The following XKR4 variants were observed in gnomAD, a reference collection of about 807,000 sequenced individuals.
XKR4 encodes XK related 4, also known as XK-related protein 4.
A neutral mutation model predicts 53.9 loss-of-function variants in XKR4; 12 were observed. That is an observed-to-expected ratio of 0.22 (90% CI 0.14 to 0.36). The LOEUF (loss-of-function observed/expected upper bound fraction) is 0.36, where lower values mean the gene tolerates loss of function less well. Among genes scored for constraint, XKR4 ranks in the 10% least tolerant of loss-of-function variants. The pLI is 1.00. For missense variants in XKR4, 799 were observed against 859.5 expected (o/e 0.93, Z 0.88); for synonymous variants, 354 against 362.4 (o/e 0.98, Z 0.26).
At chr8:55,212,770 A>G (rs4562294) in intron 1 of XKR4, among the ~76,000 whole-genome samples, 147,472 of 152,330 alleles carry the variant, frequency 0.97, 71,399 homozygotes, top group East Asian at 1. Flanking sequence ...AACTCTGCAA[A>G]GGATGATGCA....
At chr8:55,297,241 A>G (rs1316225932) in intron 1 of XKR4, among the ~76,000 whole-genome samples, 1 of 152,174 alleles carries the variant, frequency 6.6e-6, no homozygotes, top group Non-Finnish European at 1.5e-5. Context: ...GAGGCTTCAG[A>G]CTAGAAACGT....
At chr8:55,236,374 G>A (rs1185423782) in intron 1 of XKR4, among the ~76,000 whole-genome samples, 1 of 152,102 alleles carries the variant, frequency 6.6e-6, no homozygotes, top group Non-Finnish European at 1.5e-5. Flanking sequence ...CTGCATGAAG[G>A]AGCATTTCAT....
intron 2 of XKR4, among the ~76,000 whole-genome samples, chr8:55,434,389 T>C (rs1159342402): frequency 4.0e-5 from 6 of 150,244 alleles, no homozygotes; most frequent in African/African-American, 1.5e-4. Flanking sequence ...TTCATCTTGA[T>C]TGTTCTTACT....
intron 2 of XKR4, among the ~76,000 whole-genome samples, chr8:55,409,045 G>A (rs1443403188): frequency 6.6e-6 from 1 of 152,004 alleles, no homozygotes; most frequent in Non-Finnish European, 1.5e-5. Flanking sequence ...GCACCAGGAG[G>A]GGAGTGGACA....
At chr8:55,461,532 G>A (rs1347736144) in intron 2 of XKR4, among the ~76,000 whole-genome samples, 1 of 152,140 alleles carries the variant, frequency 6.6e-6, no homozygotes, top group Non-Finnish European at 1.5e-5. Flanking sequence ...GGAAAAAACA[G>A]AGCAGAAAAA....
chr8:55,267,671 CT>C (rs10697732), intron 1 of XKR4, among the ~76,000 whole-genome samples: 21,355 of 151,794 alleles, frequency 0.14, 1,717 homozygotes, highest in Non-Finnish European at 0.19. Context: ...TTCCTATTAT[CT>C]TTTTTTTCAT....
chr8:55,346,685 ATGTGTGTGTGTGTGTGTGTG>A (rs10685965), intron 1 of XKR4, among the ~76,000 whole-genome samples: 30 of 138,472 alleles, frequency 2.2e-4, no homozygotes, highest in African/African-American at 7.9e-4. Context: ...TGTTGAGGTT[ATGTGTGTGTGTGTGTGTGTG>A]TGTGTGTGTG....
chr8:55,454,321 C>T (rs1280137252), intron 2 of XKR4: 9 of 1,493,798 alleles, frequency 6.0e-6, no homozygotes, highest in East Asian at 4.5e-5. Flanking sequence ...TTATGAAGGG[C>T]GTGGGTGTGC....
chr8:55,534,678 A>G lies in XKR4; in HGVS notation c.*10451A>G, dbSNP rs759515093. On this transcript the variant is annotated 3_prime_UTR_variant, in exon 3 of 3. Transcript: ENST00000327381. ...GCGTGAGCCACCACACCCGGCCCCG[A>G]TATTCTTAATGACTAAATTTTCACA... 1.4e-4 allele frequency: 21 copies of G among 151,112 alleles called. No homozygotes were observed. The highest frequency in any genetic ancestry group is 2.7e-4 in the Non-Finnish European group (18 of 67,830). 9.4% of individuals were successfully genotyped at this position (151,112 alleles called of 1,614,324 possible). A position where few individuals can be genotyped will look rare whatever the true frequency, so the allele number is the denominator to read the frequency against.
intron 1 of XKR4, among the ~76,000 whole-genome samples, chr8:55,216,618 T>TC (rs1304066781): frequency 2.0e-5 from 3 of 151,488 alleles, no homozygotes; most frequent in Non-Finnish European, 4.4e-5. Flanking sequence ...TCCCAGCTAC[T>TC]CGGGAGGCTG....
Position 55,531,822 on chromosome 8 carries a change from G to A in XKR4, c.*7595G>A, listed in dbSNP as rs1806958143. The A allele has an allele frequency of 6.6e-6, 1 of 152,204 alleles. No individual in the cohort carries two copies. The highest frequency in any genetic ancestry group is 1.5e-5 in the Non-Finnish European group (1 of 68,042). 9.4% of individuals were successfully genotyped at this position (152,204 alleles called of 1,614,324 possible). On this transcript the variant is annotated 3_prime_UTR_variant, in exon 3 of 3. Coordinates refer to ENST00000327381, the MANE Select transcript of XKR4 (RefSeq NM_052898.2). The stretch of plus-strand genomic sequence containing the variant: ...ATTTCTCCAGCATACTGGTTATTTA[G>A]GAATAACAAATTTCTGGACATAAAC...
intron 1 of XKR4, among the ~76,000 whole-genome samples, chr8:55,169,664 A>G (rs1005730977): frequency 6.6e-6 from 1 of 152,174 alleles, no homozygotes; most frequent in Non-Finnish European, 1.5e-5. Flanking sequence ...GTGCAAAAAG[A>G]TTTCATTTTT....
chr8:55,232,634 C>T (rs990118648), intron 1 of XKR4, among the ~76,000 whole-genome samples: 1 of 152,114 alleles, frequency 6.6e-6, no homozygotes, highest in Non-Finnish European at 1.5e-5. Context: ...CACAGTGGCA[C>T]TTTGTTAAAT....
At chr8:55,452,614 C>G in intron 2 of XKR4, 1 of 1,143,326 alleles carries the variant, frequency 8.7e-7, no homozygotes, top group Non-Finnish European at 1.3e-6. Context: ...TTTATCTGGA[C>G]GATGTCTGGC....
At chr8:55,174,875 A>G (rs1053029137) in intron 1 of XKR4, among the ~76,000 whole-genome samples, 1 of 152,210 alleles carries the variant, frequency 6.6e-6, no homozygotes, top group Non-Finnish European at 1.5e-5. Flanking sequence ...TGTCTCAGCC[A>G]ACGATCCCAT....
intron 1 of XKR4, among the ~76,000 whole-genome samples, chr8:55,134,732 G>T (rs563335072): frequency 6.6e-6 from 1 of 152,190 alleles, no homozygotes; most frequent in Non-Finnish European, 1.5e-5. Context: ...CCCTGCCTTG[G>T]TGGGCTCTTG....
At chr8:55,506,527 C>T (rs1170543840) in intron 2 of XKR4, among the ~76,000 whole-genome samples, 1 of 152,182 alleles carries the variant, frequency 6.6e-6, no homozygotes, top group African/African-American at 2.4e-5. Flanking sequence ...AAGGTCAACA[C>T]CCCATCTTCC....
At chr8:55,450,681 C>A in intron 2 of XKR4, 2 of 589,694 alleles carry the variant, frequency 3.4e-6, no homozygotes, top group East Asian at 3.9e-5. Context: ...TCTGTCCAGC[C>A]AGAATGTGGG....
At chr8:55,493,648 T>C (rs941031771) in intron 2 of XKR4, among the ~76,000 whole-genome samples, 25 of 152,276 alleles carry the variant, frequency 1.6e-4, no homozygotes, top group African/African-American at 6.0e-4. Context: ...GCCTGACACA[T>C]AGGAAACTCT....
Sources: allele counts gnomAD v4.1 joint callset (sites outside exome capture counted in the v4.1 genomes callset), GRCh38; gene constraint gnomAD v4.1.1; transcripts MANE v1.5; gene names NCBI Gene and HGNC (gene_info 2026-07-23, HGNC 2026-07-21).